Variants in RAB3IL1 observed in about 807,000 individuals in gnomAD.
RAB3IL1 encodes the protein RAB3A interacting protein like 1.
A neutral mutation model predicts 49.2 loss-of-function variants in RAB3IL1; 37 were observed. The ratio of observed to expected loss-of-function variants is 0.75; its 90% CI spans 0.58 to 0.99. RAB3IL1 has a LOEUF of 0.99. Ranked by LOEUF, RAB3IL1 falls within the 50% of genes least tolerant of loss-of-function variation. RAB3IL1 has a pLI of 0.00. For synonymous variants in RAB3IL1, 193 were observed against 213.9 expected (o/e 0.90, Z 0.85); for missense variants, 484 against 513.0 (o/e 0.94, Z 0.55).
chr11:61,898,205 C>G lies in RAB3IL1; in HGVS notation c.*73G>C. On this transcript the variant is annotated 3_prime_UTR_variant, in exon 10 of 10. Coordinates refer to ENST00000394836, the MANE Select transcript of RAB3IL1 (RefSeq NM_013401.4). The surrounding 1 kb of genome is among the most constrained non-coding windows in gnomAD (Gnocchi z 5.1). ...CAGGGCTGGCTCCAGGCCCCCGTCTCCCTGTGTGTCGGCTTGTTCTGGGGT... is the reference window on the plus strand; with the variant it reads ...CAGGGCTGGCTCCAGGCCCCCGTCTGCCTGTGTGTCGGCTTGTTCTGGGGT... 7.0e-7 allele frequency: 1 copy of G among 1,427,214 alleles called. No homozygotes were observed. The highest frequency in any genetic ancestry group is 1.2e-5 in the South Asian group (1 of 85,790). 88.4% of individuals were successfully genotyped at this position (1,427,214 alleles called of 1,614,324 possible). A position where few individuals can be genotyped will look rare whatever the true frequency, so the allele number is the denominator to read the frequency against.
upstream of RAB3IL1, among the ~76,000 whole-genome samples, chr11:61,924,547 C>T (rs2521562): frequency 2.6e-5 from 4 of 151,884 alleles, no homozygotes; most frequent in Admixed American, 6.6e-5. Flanking sequence ...AGCGCCCCCA[C>T]GAAATGAATC....
At chr11:61,943,202 T>A in the RAB3IL1 span, among the ~76,000 whole-genome samples, 1 of 152,212 alleles carries the variant, frequency 6.6e-6, no homozygotes, top group African/African-American at 2.4e-5. Flanking sequence ...TATTATCAAT[T>A]GATTTTCAAC....
chr11:61,923,365 C>A (rs1335448959), upstream of RAB3IL1, among the ~76,000 whole-genome samples: 1 of 152,226 alleles, frequency 6.6e-6, no homozygotes, highest in Non-Finnish European at 1.5e-5. Flanking sequence ...GTCGCCTCCC[C>A]TTCTTGCTAT....
At chr11:61,917,915 T>C (rs886560231), upstream of RAB3IL1, among the ~76,000 whole-genome samples, 10 of 152,152 alleles carry the variant, frequency 6.6e-5, no homozygotes, top group African/African-American at 2.4e-4. Context: ...CCGGCCCTCC[T>C]TCCCTAGGCT....
intron 7 of RAB3IL1, 68 bp downstream of exon 7, chr11:61,904,478 C>A (rs1483466343): frequency 1.8e-5 from 26 of 1,437,662 alleles, no homozygotes; most frequent in Non-Finnish European, 2.4e-5. Context: ...CACCCCTCGG[C>A]ACAGTAAACA....
chr11:61,942,980 C>T, the RAB3IL1 span, among the ~76,000 whole-genome samples: 2 of 152,154 alleles, frequency 1.3e-5, no homozygotes, highest in East Asian at 1.9e-4. Flanking sequence ...ATTCCAACTG[C>T]GTTTTTTGCA....
chr11:61,917,501 A>C lies in RAB3IL1; in HGVS notation c.-134T>G, dbSNP rs1396897728. ...CTGTCAGCCCTGCCCGCGGCCGGTCAGTAGGTCTCAGACGCCTGGGCTCGC... is the reference window on the plus strand; with the variant it reads ...CTGTCAGCCCTGCCCGCGGCCGGTCCGTAGGTCTCAGACGCCTGGGCTCGC... On this transcript the variant is annotated 5_prime_UTR_variant, in exon 1 of 10. Transcript: ENST00000394836. 8.8e-7 allele frequency: 1 copy of C among 1,132,798 alleles called. No homozygotes were observed. The highest frequency in any genetic ancestry group is 1.1e-6 in the Non-Finnish European group (1 of 925,878). The allele number at this position is 1,132,798 out of a possible 1,614,324, so 70.2% of individuals were successfully genotyped here.
At chr11:61,907,985 G>A (rs1473655222) in intron 2 of RAB3IL1, 69 bp downstream of exon 2, 4 of 1,537,300 alleles carry the variant, frequency 2.6e-6, no homozygotes, top group Non-Finnish European at 3.5e-6. Flanking sequence ...GGCACCTGAT[G>A]AGAGCCCACA....
At chr11:61,944,528 G>C in the RAB3IL1 span, among the ~76,000 whole-genome samples, 1 of 152,144 alleles carries the variant, frequency 6.6e-6, no homozygotes, top group African/African-American at 2.4e-5. Context: ...GCAGCAGGAA[G>C]GAATGGACCA....
chr11:61,923,926 C>G (rs1447984769), upstream of RAB3IL1, among the ~76,000 whole-genome samples: 1 of 152,190 alleles, frequency 6.6e-6, no homozygotes, highest in East Asian at 1.9e-4. Context: ...TGCTCTGTCC[C>G]CAGGCCTGAC....
chr11:61,918,009 ACT>A (rs1316987788), upstream of RAB3IL1, among the ~76,000 whole-genome samples: 4 of 151,572 alleles, frequency 2.6e-5, no homozygotes, highest in Admixed American at 6.6e-5. Flanking sequence ...TCTGAGTCCT[ACT>A]CTCTGAGTTT....
the RAB3IL1 span, among the ~76,000 whole-genome samples, chr11:61,940,565 T>C: frequency 6.6e-6 from 1 of 152,090 alleles, no homozygotes; most frequent in Non-Finnish European, 1.5e-5. Context: ...GGCGAGAGGA[T>C]TCCTTGAGCC....
intron 5 of RAB3IL1, among the ~76,000 whole-genome samples, chr11:61,905,451 A>C (rs1939135515): frequency 6.6e-6 from 1 of 151,826 alleles, no homozygotes; most frequent in African/African-American, 2.4e-5. Context: ...CCCAGGTGGG[A>C]GCGGCCAGGC....
At chr11:61,934,866 A>G in the RAB3IL1 span, among the ~76,000 whole-genome samples, 3 of 152,140 alleles carry the variant, frequency 2.0e-5, no homozygotes, top group Non-Finnish European at 2.9e-5. Context: ...CTAATGAAAC[A>G]AAGACTTTAG....
chr11:61,942,954 T>G, the RAB3IL1 span, among the ~76,000 whole-genome samples: 1 of 152,188 alleles, frequency 6.6e-6, no homozygotes, highest in African/African-American at 2.4e-5. Context: ...ACAGACTCAG[T>G]GTAATCCCCA....
upstream of RAB3IL1, among the ~76,000 whole-genome samples, chr11:61,924,724 C>A (rs755314888): frequency 3.3e-5 from 5 of 152,172 alleles, no homozygotes; most frequent in Non-Finnish European, 7.3e-5. Context: ...TGGTGAACCC[C>A]TTTGGAAATA....
At chr11:61,921,635 A>G (rs1416257174), upstream of RAB3IL1, among the ~76,000 whole-genome samples, 1 of 152,136 alleles carries the variant, frequency 6.6e-6, no homozygotes, top group Middle Eastern at 3.2e-3. Context: ...CTCCCACAAG[A>G]ACTGAGTGGC....
upstream of RAB3IL1, among the ~76,000 whole-genome samples, chr11:61,918,626 T>C (rs1443515939): frequency 1.3e-5 from 2 of 152,212 alleles, no homozygotes; most frequent in Non-Finnish European, 2.9e-5. Context: ...GGGCTCCACG[T>C]TGGTGGAGGA....
At chr11:61,918,315 A>C (rs1354619911), upstream of RAB3IL1, among the ~76,000 whole-genome samples, 1 of 152,160 alleles carries the variant, frequency 6.6e-6, no homozygotes, top group Non-Finnish European at 1.5e-5. Flanking sequence ...GTAAGAGCAG[A>C]ACCCGTCTTC....
Sources: allele counts gnomAD v4.1 joint callset (sites outside exome capture counted in the v4.1 genomes callset), GRCh38; gene constraint gnomAD v4.1.1; non-coding constraint Gnocchi (gnomAD v3.1); transcripts MANE v1.5; gene names NCBI Gene and HGNC (gene_info 2026-07-23, HGNC 2026-07-21).